FLT3: variants seen among roughly 807,000 people sequenced by gnomAD.
FLT3 encodes the protein receptor-type tyrosine-protein kinase FLT3.
In FLT3, 46 loss-of-function variants were observed where a neutral mutation model predicts 126.6. The ratio of observed to expected loss-of-function variants is 0.36; its 90% CI spans 0.29 to 0.46. The LOEUF (loss-of-function observed/expected upper bound fraction) is 0.46. Among genes scored for constraint, FLT3 ranks in the 20% least tolerant of loss-of-function variants. The probability of loss-of-function intolerance (pLI) is 1.00; values close to 1 mark genes in which losing one functional copy is unlikely to be tolerated. For missense variants in FLT3, 1,069 were observed against 1,190.3 expected (o/e 0.90, Z 1.50); for synonymous variants, 404 against 434.4 (o/e 0.93, Z 0.87).
At chr13:28,064,215 A>G (rs1176530466) in intron 2 of FLT3, among the ~76,000 whole-genome samples, 1 of 152,240 alleles carries the variant, frequency 6.6e-6, no homozygotes, top group Non-Finnish European at 1.5e-5. Flanking sequence ...TGAGGGACAC[A>G]GAACCAAAAC....
chr13:28,024,991 AGAC>A, intron 17 of FLT3, 48 bp from the exon 18 acceptor site: 1 of 1,016,322 alleles, frequency 9.8e-7, no homozygotes, highest in Non-Finnish European at 1.5e-6. Flanking sequence ...TCTTCTCAGC[AGAC>A]ATTTTATTTT....
intron 1 of FLT3, among the ~76,000 whole-genome samples, chr13:28,087,570 G>A (rs1049902553): frequency 2.1e-4 from 32 of 151,992 alleles, no homozygotes; most frequent in African/African-American, 7.0e-4. Flanking sequence ...ATTTTTATCC[G>A]ATTTTGACAA....
intron 2 of FLT3, among the ~76,000 whole-genome samples, chr13:28,062,736 T>A (rs1396485584): frequency 2.3e-5 from 1 of 42,914 alleles, no homozygotes; most frequent in African/African-American, 9.4e-5. Flanking sequence ...AGAGTGAAAC[T>A]CTGTCTCAAA....
intron 1 of FLT3, among the ~76,000 whole-genome samples, chr13:28,087,707 C>T (rs112885152): frequency 1.4e-4 from 21 of 152,150 alleles, no homozygotes; most frequent in African/African-American, 4.8e-4. Context: ...TCTCTGTTTA[C>T]GTTATTTGGT....
Position 28,015,224 on chromosome 13 carries a change from C to T in FLT3, c.2686G>A (p.Ala896Thr), listed in dbSNP as rs2137611510. ...TTTTGAATCAGTTTGTAGAAGTTAG[C>T]ATCAACCGGAATGCCAGGGTAAGGA... ...VNPYPGIPVD[A>T]NFYKLIQNGF... The change falls in exon 22 of 24, where the codon GCT becomes ACT. Residue 896 changes from alanine (A) to threonine (T), a missense_variant. Transcript: ENST00000241453. The T allele has an allele frequency of 1.2e-6, 2 of 1,612,176 alleles. No homozygotes were observed. The highest frequency in any genetic ancestry group is 1.6e-4 in the Middle Eastern group (1 of 6,062).
intron 9 of FLT3, among the ~76,000 whole-genome samples, chr13:28,047,722 A>G (rs1875020990): frequency 6.6e-6 from 1 of 151,750 alleles, no homozygotes. Context: ...AAAAAAAAAA[A>G]AAAAAAGAAA....
chr13:28,003,426 C>T lies in FLT3; in HGVS notation c.*626G>A, dbSNP rs1345082300. 8.6e-6 allele frequency: 2 copies of T among 233,914 alleles called. No individual in the cohort carries two copies. The highest frequency in any genetic ancestry group is 1.7e-5 in the Non-Finnish European group (2 of 118,618). 14.5% of individuals were successfully genotyped at this position (233,914 alleles called of 1,614,324 possible). A position where few individuals can be genotyped will look rare whatever the true frequency, so the allele number is the denominator to read the frequency against. On this transcript the variant is annotated 3_prime_UTR_variant, in exon 24 of 24. Transcript: ENST00000241453. ...TTATAAACTTCCCCCAATACAACCC[C>T]TGTTGTTGCAGAAATCTTAGGCTGT...
chr13:28,066,130 G>T (rs558247925), intron 2 of FLT3, among the ~76,000 whole-genome samples: 1 of 152,232 alleles, frequency 6.6e-6, no homozygotes, highest in Admixed American at 6.5e-5. Flanking sequence ...GGAAAGAAAG[G>T]AACTAACCTA....
At chr13:28,033,747 C>T in intron 15 of FLT3, 140 bp downstream of exon 15, 1 of 690,696 alleles carries the variant, frequency 1.4e-6, no homozygotes, top group Non-Finnish European at 2.6e-6. Context: ...TGGGTTGACA[C>T]CCCAATCCAC....
intron 1 of FLT3, among the ~76,000 whole-genome samples, chr13:28,072,410 A>T (rs73154875): frequency 0.18 from 26,804 of 151,090 alleles, 2,435 homozygotes; most frequent in Middle Eastern, 0.26. Flanking sequence ...TCTTTTTTTT[A>T]AATTGAGACA....
At chr13:28,028,148 G>A in intron 16 of FLT3, 30 bp downstream of exon 16, 1 of 1,000,032 alleles carries the variant, frequency 1.0e-6, no homozygotes, top group East Asian at 2.4e-5. Flanking sequence ...CAGTCTTTTT[G>A]ATGAGGTGAT....
chr13:28,073,122 C>T (rs2137794683), intron 1 of FLT3, among the ~76,000 whole-genome samples: 1 of 152,184 alleles, frequency 6.6e-6, no homozygotes, highest in South Asian at 2.1e-4. Context: ...GGGTGGATTG[C>T]TTGAGGCCAG....
chr13:28,058,803 T>C (rs1876268839), intron 3 of FLT3, among the ~76,000 whole-genome samples: 1 of 152,260 alleles, frequency 6.6e-6, no homozygotes. Context: ...GCAGGATATA[T>C]ACTTGATTTG....
chr13:28,056,474 C>T lies in FLT3; in HGVS notation c.484+873G>A, dbSNP rs192087312. ...AGCACTGCACTGGCCCCTAAAGGCA[C>T]GAGGACCTAAGTGAATGCAGACACC... On this transcript the variant is annotated intron_variant, in intron 4 of 23. Coordinates refer to ENST00000241453, the MANE Select transcript of FLT3 (RefSeq NM_004119.3). Among the ~76,000 whole-genome samples the T allele has an allele frequency of 5.4e-3, 827 of 152,278 alleles. 4 individuals are homozygous for T. The highest frequency in any genetic ancestry group is 8.5e-3 in the Non-Finnish European group (575 of 68,026).
At chr13:28,076,395 G>A (rs978682245) in intron 1 of FLT3, among the ~76,000 whole-genome samples, 43 of 152,210 alleles carry the variant, frequency 2.8e-4, no homozygotes, top group African/African-American at 7.9e-4. Flanking sequence ...TTACAAAGGC[G>A]AAGTTCCAGG....
At chr13:28,082,842 T>C (rs1034746479) in intron 1 of FLT3, among the ~76,000 whole-genome samples, 1 of 152,096 alleles carries the variant, frequency 6.6e-6, no homozygotes, top group African/African-American at 2.4e-5. Flanking sequence ...TAGCTGGGAC[T>C]ACAGGCACCC....
chr13:28,022,443 CA>C (rs1480538284), intron 19 of FLT3, among the ~76,000 whole-genome samples: 2 of 152,014 alleles, frequency 1.3e-5, no homozygotes, highest in Non-Finnish European at 2.9e-5. Flanking sequence ...ACCCAGGAAG[CA>C]GAGGTTGTAG....
chr13:28,025,082 A>G (rs1872694908), intron 17 of FLT3, 139 bp from the exon 18 acceptor site: 1 of 629,550 alleles, frequency 1.6e-6, no homozygotes, highest in African/African-American at 1.9e-5. Context: ...CCATTTGTCC[A>G]TTTTTTGTGT....
chr13:28,018,961 C>A (rs1442335280), intron 19 of FLT3, among the ~76,000 whole-genome samples: 1 of 129,468 alleles, frequency 7.7e-6, no homozygotes, highest in Non-Finnish European at 1.6e-5. Context: ...GAAATAGCAT[C>A]TCTTTTCTTT....
Sources: gnomAD v4.1 joint callset for allele counts (sites outside exome capture counted in the v4.1 genomes callset) on GRCh38, gnomAD v4.1.1 for gene constraint, MANE v1.5 for transcripts, NCBI Gene and HGNC (gene_info 2026-07-23, HGNC 2026-07-21) for gene names.